EGFR: variants seen among roughly 807,000 people sequenced by gnomAD.
The protein encoded by EGFR is epidermal growth factor receptor.
In EGFR, 58 loss-of-function variants were observed where a neutral mutation model predicts 143.0. The observed-to-expected ratio is 0.41, with a 90% confidence interval of 0.33 to 0.50. The LOEUF (loss-of-function observed/expected upper bound fraction) is 0.50. Among genes scored for constraint, EGFR ranks in the 20% least tolerant of loss-of-function variants. EGFR has a pLI of 0.39. For missense variants in EGFR, 1,307 were observed against 1,579.0 expected (o/e 0.83, Z 2.92); for synonymous variants, 613 against 594.4 (o/e 1.03, Z -0.45).
chr7:55,057,970 T>C (rs1430249953), intron 1 of EGFR, among the ~76,000 whole-genome samples: 2 of 152,278 alleles, frequency 1.3e-5, no homozygotes, highest in African/African-American at 4.8e-5. Context: ...GTTTTTGTTA[T>C]TAGCCGAAAC....
chr7:55,149,091 C>T (rs138948676), intron 4 of EGFR, among the ~76,000 whole-genome samples: 31 of 151,738 alleles, frequency 2.0e-4, no homozygotes, highest in African/African-American at 7.0e-4. Flanking sequence ...TATGTAAGTG[C>T]CAGAAGGAAA....
At chr7:55,075,585 A>G (rs554738584) in intron 1 of EGFR, among the ~76,000 whole-genome samples, 2 of 152,256 alleles carry the variant, frequency 1.3e-5, no homozygotes, top group South Asian at 2.1e-4. Flanking sequence ...TTGGAGACAC[A>G]TCCTCTTGAG....
intron 12 of EGFR, 91 bp downstream of exon 12, chr7:55,160,429 A>G (rs1217846056): frequency 2.2e-6 from 3 of 1,344,254 alleles, no homozygotes; most frequent in Non-Finnish European, 3.1e-6. Context: ...TCCCATTTAA[A>G]TTACTTTTTT....
intron 6 of EGFR, among the ~76,000 whole-genome samples, chr7:55,152,931 AATG>A (rs1406026241): frequency 6.6e-6 from 1 of 152,228 alleles, no homozygotes; most frequent in Non-Finnish European, 1.5e-5. Context: ...TGAATGCTTA[AATG>A]ATGAGATGCC....
intron 1 of EGFR, among the ~76,000 whole-genome samples, chr7:55,133,995 G>A (rs1018502860): frequency 3.3e-5 from 5 of 152,230 alleles, no homozygotes; most frequent in African/African-American, 1.2e-4. Flanking sequence ...CCCGAGAGGA[G>A]GCGTTTACTC....
intron 1 of EGFR, among the ~76,000 whole-genome samples, chr7:55,131,797 G>A (rs1229577004): frequency 6.6e-6 from 1 of 152,170 alleles, no homozygotes; most frequent in African/African-American, 2.4e-5. Context: ...CCCTTGCGCT[G>A]TCAGCATTCA....
Position 55,206,834 on chromosome 7 carries a change from T to TA in EGFR, c.*1218dup. 4.3e-6 allele frequency: 1 copy of TA among 233,324 alleles called. No homozygotes were observed. The highest frequency in any genetic ancestry group is 6.0e-5 in the East Asian group (1 of 16,582). The allele number at this position is 233,324 out of a possible 1,614,324, so 14.5% of individuals were successfully genotyped here. On this transcript the variant is annotated 3_prime_UTR_variant, in exon 28 of 28. Coordinates refer to ENST00000275493, the MANE Select transcript of EGFR (RefSeq NM_005228.5). ...GCCTTGAGTCATCTATTCAAGCACT[T>TA]ACAGCTCTGGCCACAACAGGGCATT...
chr7:55,194,214 T>C (rs141811133), intron 22 of EGFR, among the ~76,000 whole-genome samples: 62 of 144,442 alleles, frequency 4.3e-4, no homozygotes, highest in African/African-American at 1.5e-3. Flanking sequence ...AGAGGCCACA[T>C]ATATTTTTTA....
At chr7:55,062,225 A>C (rs1789227416) in intron 1 of EGFR, among the ~76,000 whole-genome samples, 1 of 152,232 alleles carries the variant, frequency 6.6e-6, no homozygotes, top group Non-Finnish European at 1.5e-5. Context: ...TTTCTAGAGA[A>C]GGAAACTTCA....
At chr7:55,021,765 G>T (rs754714464) in intron 1 of EGFR, among the ~76,000 whole-genome samples, 1 of 152,200 alleles carries the variant, frequency 6.6e-6, no homozygotes, top group Non-Finnish European at 1.5e-5. Context: ...GGTAATGACT[G>T]CCAGACACCA....
intron 27 of EGFR, among the ~76,000 whole-genome samples, chr7:55,204,574 C>A (rs1402265106): frequency 2.9e-5 from 4 of 136,642 alleles, no homozygotes; most frequent in African/African-American, 8.2e-5. Context: ...CACATACACA[C>A]CACACACACA....
At chr7:55,146,852 A>G (rs1424078959) in intron 4 of EGFR, 112 bp downstream of exon 4, 5 of 1,445,964 alleles carry the variant, frequency 3.5e-6, no homozygotes, top group Non-Finnish European at 2.9e-6. Context: ...ATCAGAAACA[A>G]AAAGTAGTAA....
Position 55,205,270 on chromosome 7 carries a change from T to A in EGFR, c.3286T>A (p.Ser1096Thr), listed in dbSNP as rs2128975093. 2 of 1,613,474 alleles carry A rather than the reference T, an allele frequency of 1.2e-6. No individual in the cohort carries two copies. The highest frequency in any genetic ancestry group is 2.2e-5 in the East Asian group (1 of 44,882). ...FLPVPEYINQSVPKRPAGSVQ... is the reference protein window; with the variant it reads ...FLPVPEYINQTVPKRPAGSVQ... ...TCCACTTTCAGAATACATAAACCAG[T>A]CCGTTCCCAAAAGGCCCGCTGGCTC... is the stretch of plus-strand genomic sequence containing the variant. The change falls in exon 28 of 28, where the codon TCC (serine) becomes ACC (threonine). Residue 1096 changes from serine to threonine, a missense_variant. By Grantham distance (58) the Ser-to-Thr change is moderately conservative. Coordinates refer to ENST00000275493, the MANE Select transcript of EGFR (RefSeq NM_005228.5).
At chr7:55,054,102 TGC>T in intron 1 of EGFR, among the ~76,000 whole-genome samples, 1 of 150,460 alleles carries the variant, frequency 6.6e-6, no homozygotes, top group Non-Finnish European at 1.5e-5. Flanking sequence ...AGGAAAGCCC[TGC>T]CTAATGGTCT....
intron 1 of EGFR, among the ~76,000 whole-genome samples, chr7:55,101,437 C>T (rs1002624966): frequency 6.6e-6 from 1 of 152,228 alleles, no homozygotes; most frequent in Non-Finnish European, 1.5e-5. Flanking sequence ...TATTTTAACA[C>T]CATTTTAATT....
Position 55,162,075 on chromosome 7 carries a change from T to C in EGFR, c.1631+444T>C, listed in dbSNP as rs17290068. On this transcript the variant is annotated intron_variant, in intron 13 of 27. Coordinates refer to ENST00000275493, the MANE Select transcript of EGFR (RefSeq NM_005228.5). ...ATCTGTTTTATGTGCCCCCAGCATG[T>C]GTTGAACATCAAACAGTACCAGGGA... Among the ~76,000 whole-genome samples the C allele has an allele frequency of 1.9e-4, 29 of 152,356 alleles. No individual in the cohort carries two copies. The East Asian group carries it at 5.2e-3, about 27-fold the overall frequency.
At chr7:55,067,635 T>C (rs937776941) in intron 1 of EGFR, among the ~76,000 whole-genome samples, 1 of 151,606 alleles carries the variant, frequency 6.6e-6, no homozygotes, top group Admixed American at 6.5e-5. Context: ...CTTTTGTTTA[T>C]TAATTTTTTC....
chr7:55,170,217 G>C, intron 15 of EGFR: 1 of 1,608,986 alleles, frequency 6.2e-7, no homozygotes, highest in Non-Finnish European at 8.5e-7. Context: ...GGAGAGCAGA[G>C]ATAGAAACTG....
At chr7:55,094,317 G>C (rs1252021273) in intron 1 of EGFR, among the ~76,000 whole-genome samples, 1 of 152,200 alleles carries the variant, frequency 6.6e-6, no homozygotes, top group Non-Finnish European at 1.5e-5. Context: ...AGTTTGTGCA[G>C]CCTGCAGAGC....
Sources: gnomAD v4.1 joint callset for allele counts (sites outside exome capture counted in the v4.1 genomes callset) on GRCh38, gnomAD v4.1.1 for gene constraint, MANE v1.5 for transcripts, NCBI Gene and HGNC (gene_info 2026-07-23, HGNC 2026-07-21) for gene names.